Variants in EFNA5 observed in about 807,000 individuals in gnomAD.
EFNA5 encodes ephrin A5.
A neutral mutation model predicts 22.9 loss-of-function variants in EFNA5; 5 were observed. That is an observed-to-expected ratio of 0.22 (90% CI 0.11 to 0.46). The LOEUF (loss-of-function observed/expected upper bound fraction) is 0.46, where lower values mean the gene tolerates loss of function less well. Ranked by LOEUF, EFNA5 falls within the 20% of genes least tolerant of loss-of-function variation. The pLI, the probability that EFNA5 is intolerant of heterozygous loss-of-function variation, is 0.99. For missense variants in EFNA5, 237 were observed against 293.3 expected (o/e 0.81, Z 1.40); for synonymous variants, 113 against 112.2 (o/e 1.01, Z -0.04).
chr5:107,397,081 T>TTCA, intron 2 of EFNA5, among the ~76,000 whole-genome samples: 1 of 143,988 alleles, frequency 6.9e-6, no homozygotes, highest in South Asian at 2.4e-4. Flanking sequence ...CACTCCACTC[T>TTCA]TTAATTTTTT....
At chr5:107,628,763 AAGGCTGTGAAAAGAGAAGGCCT>A (rs1182806817) in intron 1 of EFNA5, among the ~76,000 whole-genome samples, 1 of 152,184 alleles carries the variant, frequency 6.6e-6, no homozygotes, top group Non-Finnish European at 1.5e-5. Flanking sequence ...TAGTCTTCTG[AAGGCTGTGAAAAGAGAAGGCCT>A]TATTTAGGAC....
chr5:107,472,827 G>A (rs555135268), intron 1 of EFNA5, among the ~76,000 whole-genome samples: 2 of 152,352 alleles, frequency 1.3e-5, no homozygotes, highest in Admixed American at 6.5e-5. Flanking sequence ...GATCAGTAAC[G>A]TGAGCTGGCT....
chr5:107,610,332 G>A (rs966464604), intron 1 of EFNA5, among the ~76,000 whole-genome samples: 2 of 152,256 alleles, frequency 1.3e-5, no homozygotes, highest in Non-Finnish European at 2.9e-5. Flanking sequence ...GACAAGCTGA[G>A]CAGACCCAGC....
chr5:107,461,947 C>T (rs555775591), intron 1 of EFNA5, among the ~76,000 whole-genome samples: 28 of 152,242 alleles, frequency 1.8e-4, no homozygotes, highest in African/African-American at 6.5e-4. Context: ...GAAAGCAGCC[C>T]GGTACTTTCT....
At chr5:107,427,015 A>T (rs1748826714) in intron 2 of EFNA5, 1 of 593,334 alleles carries the variant, frequency 1.7e-6, no homozygotes, top group East Asian at 2.9e-5. Context: ...ACGTAATTTC[A>T]TAGGGGGAGA....
rs146747607 is a variant in EFNA5, at chr5:107,522,617, C to T, written c.126-95108G>A. Among the ~76,000 whole-genome samples the T allele has an allele frequency of 3.7e-3, 562 of 152,128 alleles. 10 individuals carry two copies. Among genetic ancestry groups the T allele is most frequent in the Admixed American group, 0.021 (315 of 15,252 alleles). ...TTAGAGACACGATCTCACTTGAGGT[C>T]GACGTTACCTCCAGTGATCCACTTT... On this transcript the variant is annotated intron_variant, in intron 1 of 4. Coordinates refer to ENST00000333274, the MANE Select transcript of EFNA5 (RefSeq NM_001962.3).
At chr5:107,383,018 T>C (rs1747512369) in intron 4 of EFNA5, among the ~76,000 whole-genome samples, 1 of 152,202 alleles carries the variant, frequency 6.6e-6, no homozygotes, top group South Asian at 2.1e-4. Flanking sequence ...ATATTTGTCC[T>C]AAAGTAACCA....
intron 4 of EFNA5, among the ~76,000 whole-genome samples, chr5:107,385,973 C>G (rs1167972135): frequency 1.3e-5 from 2 of 152,030 alleles, no homozygotes; most frequent in African/African-American, 4.8e-5. Context: ...GGAAAAAACT[C>G]TAACTCTTCC....
intron 1 of EFNA5, among the ~76,000 whole-genome samples, chr5:107,561,945 G>A (rs950621981): frequency 3.3e-5 from 5 of 152,060 alleles, no homozygotes; most frequent in African/African-American, 7.2e-5. Flanking sequence ...ACAGGGAAAC[G>A]TAAGGAACCG....
chr5:107,517,085 A>G (rs1194167963), intron 1 of EFNA5, among the ~76,000 whole-genome samples: 1 of 152,094 alleles, frequency 6.6e-6, no homozygotes, highest in Non-Finnish European at 1.5e-5. Context: ...TAAATACACT[A>G]AAATTCATTG....
At chr5:107,541,875 T>C (rs1019177724) in intron 1 of EFNA5, among the ~76,000 whole-genome samples, 1 of 152,256 alleles carries the variant, frequency 6.6e-6, no homozygotes, top group Non-Finnish European at 1.5e-5. Context: ...TGTTCTACCA[T>C]CTTTAAACAT....
chr5:107,518,592 A>T (rs867163332), intron 1 of EFNA5, among the ~76,000 whole-genome samples: 26 of 151,724 alleles, frequency 1.7e-4, no homozygotes, highest in African/African-American at 5.3e-4. Flanking sequence ...AAAAAAAAAA[A>T]TACCTAAAAA....
intron 2 of EFNA5, among the ~76,000 whole-genome samples, chr5:107,399,474 A>C (rs1748030285): frequency 6.6e-6 from 1 of 152,138 alleles, no homozygotes; most frequent in Non-Finnish European, 1.5e-5. Context: ...AGATATGTAG[A>C]ATTTAATCAA....
intron 1 of EFNA5, among the ~76,000 whole-genome samples, chr5:107,635,383 T>C (rs1329824216): frequency 1.3e-5 from 2 of 152,244 alleles, no homozygotes; most frequent in Non-Finnish European, 2.9e-5. Flanking sequence ...TGGTTTTCAA[T>C]GTCAAACCAC....
intron 1 of EFNA5, among the ~76,000 whole-genome samples, chr5:107,558,444 A>C (rs557034853): frequency 1.3e-5 from 2 of 152,330 alleles, no homozygotes; most frequent in African/African-American, 4.8e-5. Context: ...CAAAGTAGAA[A>C]TCACACCATT....
chr5:107,628,391 C>T (rs1323338224), intron 1 of EFNA5, among the ~76,000 whole-genome samples: 1 of 151,954 alleles, frequency 6.6e-6, no homozygotes, highest in African/African-American at 2.4e-5. Flanking sequence ...TAGACATAGC[C>T]TAAAAATATA....
chr5:107,524,107 C>A, intron 1 of EFNA5, among the ~76,000 whole-genome samples: 1 of 152,208 alleles, frequency 6.6e-6, no homozygotes, highest in African/African-American at 2.4e-5. Context: ...CAAAATGATA[C>A]TATTTAACCT....
intron 1 of EFNA5, among the ~76,000 whole-genome samples, chr5:107,513,274 G>A (rs1350701168): frequency 6.6e-6 from 1 of 152,122 alleles, no homozygotes; most frequent in Non-Finnish European, 1.5e-5. Context: ...GAGAGAGAGA[G>A]AGAGACTCTA....
chr5:107,629,964 G>A (rs1170017569), intron 1 of EFNA5, among the ~76,000 whole-genome samples: 1 of 151,806 alleles, frequency 6.6e-6, no homozygotes, highest in African/African-American at 2.4e-5. Flanking sequence ...GCTGAGGCGG[G>A]AGAATCTCTT....
Sources: gnomAD v4.1 joint callset for allele counts (sites outside exome capture counted in the v4.1 genomes callset) on GRCh38, gnomAD v4.1.1 for gene constraint, MANE v1.5 for transcripts, NCBI Gene and HGNC (gene_info 2026-07-23, HGNC 2026-07-21) for gene names.